Variants in NAALADL2 observed in about 807,000 individuals in gnomAD.
NAALADL2 encodes N-acetylated alpha-linked acidic dipeptidase like 2.
Under a neutral mutation model 87.2 loss-of-function variants are expected in NAALADL2, and 76 were observed. The ratio of observed to expected loss-of-function variants is 0.87; its 90% CI spans 0.72 to 1.05. The LOEUF (loss-of-function observed/expected upper bound fraction) is 1.05. NAALADL2 is among the 50% of genes least tolerant of loss of function. NAALADL2 has a pLI of 0.00. For missense variants in NAALADL2, 1,089 were observed against 945.8 expected, an observed-to-expected ratio of 1.15 and a Z score of -1.99; for synonymous variants, 354 against 331.0, an observed-to-expected ratio of 1.07 and a Z score of -0.75.
At chr3:175,051,310 C>T (rs9872704) in intron 1 of NAALADL2, among the ~76,000 whole-genome samples, 14,243 of 152,218 alleles carry the variant, frequency 0.094, 693 homozygotes, top group Middle Eastern at 0.18. Context: ...TTTATTATGT[C>T]AGTTTCCATG....
chr3:174,755,201 G>C (rs1375648097), intron 3 of NAALADL2, among the ~76,000 whole-genome samples: 6 of 152,130 alleles, frequency 3.9e-5, no homozygotes, highest in Non-Finnish European at 8.8e-5. Context: ...CTCTGCCTTT[G>C]AAGAAAGTGC....
chr3:174,930,220 G>T (rs1560378324), intron 1 of NAALADL2, among the ~76,000 whole-genome samples: 1 of 151,964 alleles, frequency 6.6e-6, no homozygotes, highest in Non-Finnish European at 1.5e-5. Context: ...GGTCAGTTTG[G>T]GCAGTTTTTA....
chr3:175,405,304 T>C (rs9857244), intron 5 of NAALADL2, among the ~76,000 whole-genome samples: 94,163 of 151,910 alleles, frequency 0.62, 30,043 homozygotes, highest in East Asian at 0.81. Flanking sequence ...AAATAATTAT[T>C]GTGGTGGTGT....
chr3:175,081,741 G>T (rs1717872759), intron 1 of NAALADL2, among the ~76,000 whole-genome samples: 1 of 152,110 alleles, frequency 6.6e-6, no homozygotes, highest in African/African-American at 2.4e-5. Flanking sequence ...CTTAACGATA[G>T]ACCCCACAAT....
chr3:174,644,907 AATT>A (rs1240214728), intron 2 of NAALADL2, among the ~76,000 whole-genome samples: 1 of 152,204 alleles, frequency 6.6e-6, no homozygotes, highest in African/African-American at 2.4e-5. Flanking sequence ...TCTGTTTAAA[AATT>A]ATTATTTCTG....
chr3:174,501,077 ATT>A lies in NAALADL2; in HGVS notation c.-183-49474_-183-49473del, dbSNP rs71624286. Among the ~76,000 whole-genome samples the A allele has an allele frequency of 7.7e-3, 841 of 109,738 alleles. 13 individuals are homozygous for A. Among genetic ancestry groups the A allele is most frequent in the East Asian group, 0.071 (278 of 3,936 alleles). The allele number at this position is 109,738 out of a possible 152,430, so 72.0% of individuals were successfully genotyped here. On this transcript the variant is annotated intron_variant, in intron 1 of 3. Transcript: ENST00000434257. ...TACTTACATAGGCATATAGGTCTCA[ATT>A]TTTTTTTTTTTTTTTTTGAGACGGA...
At chr3:174,726,710 A>G (rs182810889) in intron 2 of NAALADL2, among the ~76,000 whole-genome samples, 9 of 151,950 alleles carry the variant, frequency 5.9e-5, no homozygotes, top group Admixed American at 5.3e-4. Flanking sequence ...CCTTCTTGCT[A>G]ACTTTCTTAG....
intron 5 of NAALADL2, among the ~76,000 whole-genome samples, chr3:175,374,896 A>T (rs1272766594): frequency 1.3e-5 from 2 of 151,714 alleles, no homozygotes; most frequent in Non-Finnish European, 2.9e-5. Flanking sequence ...AAATAAATAA[A>T]TAAATAAATA....
chr3:174,633,783 G>A (rs1035370056), intron 2 of NAALADL2, among the ~76,000 whole-genome samples: 3 of 152,154 alleles, frequency 2.0e-5, no homozygotes, highest in African/African-American at 7.2e-5. Context: ...CCAGAAAAGA[G>A]TTTGCTTTTC....
At chr3:174,785,931 C>T (rs1044083345) in intron 3 of NAALADL2, among the ~76,000 whole-genome samples, 1 of 152,078 alleles carries the variant, frequency 6.6e-6, no homozygotes, top group Non-Finnish European at 1.5e-5. Context: ...AGGTTATTCT[C>T]AGTTGATATT....
chr3:174,882,541 A>G (rs975079420), intron 1 of NAALADL2, among the ~76,000 whole-genome samples: 5 of 148,872 alleles, frequency 3.4e-5, no homozygotes, highest in East Asian at 2.0e-4. Flanking sequence ...ATATGCATAC[A>G]CACATATGTA....
intron 5 of NAALADL2, among the ~76,000 whole-genome samples, chr3:175,341,522 TA>T (rs1762567808): frequency 6.6e-6 from 1 of 152,180 alleles, no homozygotes; most frequent in Admixed American, 6.6e-5. Flanking sequence ...GGCATGTACC[TA>T]AGAGTAGAAT....
At chr3:175,267,649 G>A (rs1000701841) in intron 4 of NAALADL2, among the ~76,000 whole-genome samples, 4 of 151,900 alleles carry the variant, frequency 2.6e-5, no homozygotes, top group Non-Finnish European at 5.9e-5. Flanking sequence ...TGGGAGTGGG[G>A]GCAAAAAGAG....
Position 174,924,816 on chromosome 3 carries a change from T to C in NAALADL2, c.43+65366T>C, listed in dbSNP as rs1254113539. On this transcript the variant is annotated intron_variant, in intron 1 of 13. Coordinates refer to ENST00000454872, the MANE Select transcript of NAALADL2 (RefSeq NM_207015.3). ...TTTGCATTTCTCTGATGGCCAGTGA[T>C]GATGAGCATTTTTTCAAGAGTCTGT... is the stretch of plus-strand genomic sequence containing the variant. 3.3e-5 allele frequency among the ~76,000 whole-genome samples: 5 copies of C among 152,346 alleles called. No homozygotes were observed. The East Asian group carries it at 9.6e-4, about 29-fold the overall frequency.
intron 1 of NAALADL2, among the ~76,000 whole-genome samples, chr3:174,930,888 C>T (rs1321656238): frequency 1.3e-5 from 2 of 151,956 alleles, no homozygotes. Context: ...TCCCAAAGTG[C>T]TGGGATTACA....
chr3:175,655,260 G>A (rs1043477505), intron 11 of NAALADL2, among the ~76,000 whole-genome samples: 1 of 151,958 alleles, frequency 6.6e-6, no homozygotes, highest in African/African-American at 2.4e-5. Context: ...ATATTTGGTG[G>A]TAGTATATCA....
chr3:175,695,138 TGTAGA>T (rs1331546009), intron 11 of NAALADL2, among the ~76,000 whole-genome samples: 5 of 152,014 alleles, frequency 3.3e-5, no homozygotes, highest in Admixed American at 2.0e-4. Context: ...TGCAATTTTA[TGTAGA>T]GTAATCTTTT....
chr3:174,750,499 C>A (rs148413207), intron 3 of NAALADL2, among the ~76,000 whole-genome samples: 1,768 of 152,170 alleles, frequency 0.012, 35 homozygotes, highest in African/African-American at 0.04. Flanking sequence ...AGCACAATCT[C>A]CACTTACTGC....
intron 1 of NAALADL2, among the ~76,000 whole-genome samples, chr3:175,028,505 A>G (rs776814098): frequency 6.6e-6 from 1 of 152,078 alleles, no homozygotes; most frequent in Non-Finnish European, 1.5e-5. Context: ...TATGATGTGT[A>G]TTAATTCAAA....
Sources: gnomAD v4.1 joint callset for allele counts (sites outside exome capture counted in the v4.1 genomes callset) on GRCh38, gnomAD v4.1.1 for gene constraint, MANE v1.5 for transcripts, NCBI Gene and HGNC (gene_info 2026-07-23, HGNC 2026-07-21) for gene names.